The following OR13C8 variants were observed in gnomAD, a reference collection of about 807,000 sequenced individuals.
The protein encoded by OR13C8 is olfactory receptor 13C8.
For synonymous variants in OR13C8, 149 were observed against 143.6 expected, an observed-to-expected ratio of 1.04 and a Z score of -0.27; for missense variants, 382 against 388.1, an observed-to-expected ratio of 0.98 and a Z score of 0.13.
Position 104,569,873 on chromosome 9 carries a change from A to C in OR13C8, c.706A>C (p.Lys236Gln). The C allele has an allele frequency of 6.2e-7, 1 of 1,614,178 alleles. No homozygotes were observed. Among genetic ancestry groups the C allele is most frequent in the Non-Finnish European group, 8.5e-7 (1 of 1,180,024 alleles). ...GATTCCTTCCACTGAAGGAAAACAT[A>C]AGGCCTTCTCCACCTGCTCAGCCCA... Reference protein sequence around the residue: ...LRIPSTEGKHKAFSTCSAHLT... With the variant: ...LRIPSTEGKHQAFSTCSAHLT... Residue 236 changes from lysine to glutamine, a missense_variant, in exon 1 of 1, where the codon AAG becomes CAG. Transcript: ENST00000335040.
In OR13C8 at chr9:104,569,181, A is replaced by G; in HGVS notation, c.14A>G (p.Asn5Ser). Reference protein sequence around the residue: MERTNDSTSTEFFLV... With the variant: MERTSDSTSTEFFLV... ...AGTATATGTAATATGGAAAGGACCA[A>G]CGATTCCACGTCGACAGAATTTTTC... The change falls in exon 1 of 1, where the codon AAC becomes AGC. Residue 5 changes from asparagine to serine, a missense_variant. Coordinates refer to ENST00000335040, the MANE Select transcript of OR13C8 (RefSeq NM_001004483.1). 6.2e-7 allele frequency: 1 copy of G among 1,612,794 alleles called. No homozygotes were observed. The highest frequency in any genetic ancestry group is 8.5e-7 in the Non-Finnish European group (1 of 1,179,310).
At position 104,569,823 on chromosome 9, in the gene OR13C8, T is replaced by C. The variant is rs907337314; in HGVS notation, c.656T>C (p.Ile219Thr). 3.1e-6 allele frequency: 5 copies of C among 1,614,018 alleles called. No homozygotes were observed. In the African/African-American group the frequency reaches 6.7e-5, roughly 22 times the overall value. Residue 219 changes from isoleucine to threonine, a missense_variant, in exon 1 of 1, where the codon ATA (isoleucine) becomes ACA (threonine). By Grantham distance (89) the Ile-to-Thr change is moderately conservative. Transcript: ENST00000335040. ...TTGTTAGTAATTTCCATCTCTTACA[T>C]ATTTATTGTTGCCACTATTCTGAGG... ...IPLLVISISY[I>T]FIVATILRIP...
Position 104,569,382 on chromosome 9 carries a change from G to A in OR13C8, c.215G>A (p.Cys72Tyr), listed in dbSNP as rs760700371. The change falls in exon 1 of 1, where the codon TGC (cysteine) becomes TAC (tyrosine). Residue 72 changes from cysteine (C) to tyrosine (Y), a missense_variant. Transcript: ENST00000335040. ...TGTAATCTTTCCTTCCTCGACGTTT[G>A]CTACACAAGTTCCTCTGTCCCACTA... is the stretch of plus-strand genomic sequence containing the variant. ...FLCNLSFLDV[C>Y]YTSSSVPLIL... 14 of 1,614,090 alleles carry A rather than the reference G, an allele frequency of 8.7e-6. No homozygotes were observed. The highest frequency in any genetic ancestry group is 1.1e-5 in the Non-Finnish European group (13 of 1,180,050).
At position 104,569,703 on chromosome 9, in the gene OR13C8, G is replaced by A. The variant is rs766865504; in HGVS notation, c.536G>A (p.Cys179Tyr). ...CANNVIKHFV[C>Y]EILAILKLAC... ...AATAATGTCATTAAACATTTTGTCT[G>A]TGAAATTCTGGCTATCTTGAAACTG... The change falls in exon 1 of 1, where the codon TGT (cysteine) becomes TAT (tyrosine). Residue 179 changes from cysteine to tyrosine, a missense_variant. Cys to Tyr is a radical substitution (Grantham distance 194). Transcript: ENST00000335040. 8 of 1,614,038 alleles carry A rather than the reference G, an allele frequency of 5.0e-6. No individual in the cohort carries two copies. In the East Asian group the frequency reaches 1.8e-4, roughly 36 times the overall value.
chr9:104,569,195 A>G lies in OR13C8; in HGVS notation c.28A>G (p.Thr10Ala). The G allele has an allele frequency of 3.7e-6, 6 of 1,613,766 alleles. No individual in the cohort carries two copies. Among genetic ancestry groups the G allele is most frequent in the Non-Finnish European group, 5.1e-6 (6 of 1,179,830 alleles). MERTNDSTS[T>A]EFFLVGLSAH... ...GGAAAGGACCAACGATTCCACGTCG[A>G]CAGAATTTTTCCTGGTAGGGCTTTC... The change falls in exon 1 of 1, where the codon ACA (threonine) becomes GCA (alanine). Residue 10 changes from threonine to alanine, a missense_variant. Transcript: ENST00000335040.
In OR13C8 at chr9:104,569,459, A is replaced by G; in HGVS notation, c.292A>G (p.Met98Val). Residue 98 changes from methionine to valine, a missense_variant, in exon 1 of 1, where the codon ATG becomes GTG. Physicochemically the swap from Met to Val is conservative, Grantham distance 21 (BLOSUM62 1). Coordinates refer to ENST00000335040, the MANE Select transcript of OR13C8 (RefSeq NM_001004483.1). ...VKKKVSFSGC[M>V]VQMFISFAMG... is the part of the protein sequence containing the mutation. The stretch of plus-strand genomic sequence containing the variant: ...GAAAAAGGTTTCCTTCTCTGGGTGT[A>G]TGGTGCAAATGTTTATTTCTTTTGC... 1 of 1,614,162 alleles carries G rather than the reference A, an allele frequency of 6.2e-7. No homozygotes were observed. Among genetic ancestry groups the G allele is most frequent in the East Asian group, 2.2e-5 (1 of 44,874 alleles).
In OR13C8 at chr9:104,569,553, C is replaced by T; in HGVS notation, c.386C>T (p.Pro129Leu). ...ALDRYVAICY[P>L]LRYPVIMSKG... Reference sequence around the variant, plus strand: ...GACCGCTATGTGGCCATCTGCTACCCACTGAGATACCCTGTCATCATGAGC... The same window carrying T: ...GACCGCTATGTGGCCATCTGCTACCTACTGAGATACCCTGTCATCATGAGC... Residue 129 changes from proline (P) to leucine (L), a missense_variant, in exon 1 of 1, where the codon CCA (proline) becomes CTA (leucine). Pro to Leu is a moderately conservative substitution (Grantham distance 98). Coordinates refer to ENST00000335040, the MANE Select transcript of OR13C8 (RefSeq NM_001004483.1). 1.2e-6 allele frequency: 2 copies of T among 1,614,184 alleles called. No individual in the cohort carries two copies. Among genetic ancestry groups the T allele is most frequent in the Non-Finnish European group, 1.7e-6 (2 of 1,180,040 alleles).
Position 104,569,193 on chromosome 9 carries a change from C to G in OR13C8, c.26C>G (p.Ser9Trp), listed in dbSNP as rs74498060. 6.2e-7 allele frequency: 1 copy of G among 1,613,358 alleles called. No homozygotes were observed. Among genetic ancestry groups the G allele is most frequent in the East Asian group, 2.2e-5 (1 of 44,872 alleles). Residue 9 changes from serine (S) to tryptophan (W), a missense_variant, in exon 1 of 1, where the codon TCG becomes TGG. Physicochemically the swap from Ser to Trp is radical, Grantham distance 177. Transcript: ENST00000335040. Reference protein sequence around the residue: MERTNDSTSTEFFLVGLSA... With the variant: MERTNDSTWTEFFLVGLSA... ...ATGGAAAGGACCAACGATTCCACGT[C>G]GACAGAATTTTTCCTGGTAGGGCTT...
At position 104,569,457 on chromosome 9, in the gene OR13C8, G is replaced by A. The variant is rs183100737; in HGVS notation, c.290G>A (p.Cys97Tyr). The A allele has an allele frequency of 4.6e-5, 74 of 1,614,210 alleles. No individual in the cohort carries two copies. In the South Asian group the frequency reaches 6.4e-4, roughly 14 times the overall value. The change falls in exon 1 of 1, where the codon TGT (cysteine) becomes TAT (tyrosine). Residue 97 changes from cysteine (C) to tyrosine (Y), a missense_variant. Transcript: ENST00000335040. ...AAGAAAAAGGTTTCCTTCTCTGGGT[G>A]TATGGTGCAAATGTTTATTTCTTTT... ...AVKKKVSFSG[C>Y]MVQMFISFAM... is the part of the protein sequence containing the mutation.
At position 104,569,752 on chromosome 9, in the gene OR13C8, T is replaced by C. The variant is rs749224174; in HGVS notation, c.585T>C (p.Asn195=). The change falls in exon 1 of 1, where the codon AAT becomes AAC. Residue 195 remains asparagine (N), a synonymous_variant. Coordinates refer to ENST00000335040, the MANE Select transcript of OR13C8 (RefSeq NM_001004483.1). The part of the protein sequence containing the change: ...LKLACADISI[N]VISMTGSNLI... Reference sequence around the variant, plus strand: ...TGGCCTGTGCTGATATTTCAATCAATGTGATTAGTATGACAGGGTCGAATC... The same window carrying C: ...TGGCCTGTGCTGATATTTCAATCAACGTGATTAGTATGACAGGGTCGAATC... 9 of 1,614,220 alleles carry C rather than the reference T, an allele frequency of 5.6e-6. No homozygotes were observed. The highest frequency in any genetic ancestry group is 6.8e-6 in the Non-Finnish European group (8 of 1,180,038).
In OR13C8 at chr9:104,569,201, T is replaced by G; in HGVS notation, c.34T>G (p.Phe12Val). Residue 12 changes from phenylalanine to valine, a missense_variant, in exon 1 of 1, where the codon TTT becomes GTT. By Grantham distance (50) the Phe-to-Val change is conservative. Transcript: ENST00000335040. ...ERTNDSTSTE[F>V]FLVGLSAHPK... ...GACCAACGATTCCACGTCGACAGAA[T>G]TTTTCCTGGTAGGGCTTTCTGCCCA... 6.2e-7 allele frequency: 1 copy of G among 1,613,718 alleles called. No homozygotes were observed. The highest frequency in any genetic ancestry group is 8.5e-7 in the Non-Finnish European group (1 of 1,179,792).
At position 104,569,233 on chromosome 9, in the gene OR13C8, G is replaced by C. The variant is rs555075613; in HGVS notation, c.66G>C (p.Lys22Asn). The stretch of plus-strand genomic sequence containing the variant: ...TGGTAGGGCTTTCTGCCCACCCAAA[G>C]CTCCAGACAGTTTTCTTCGTTCTAA... The part of the protein sequence containing the change: ...FFLVGLSAHP[K>N]LQTVFFVLIL... Residue 22 changes from lysine to asparagine, a missense_variant, in exon 1 of 1, where the codon AAG becomes AAC. Lys to Asn is a moderately conservative substitution (Grantham distance 94). Coordinates refer to ENST00000335040, the MANE Select transcript of OR13C8 (RefSeq NM_001004483.1). The C allele has an allele frequency of 1.9e-6, 3 of 1,614,104 alleles. No individual in the cohort carries two copies. The highest frequency in any genetic ancestry group is 4.5e-5 in the East Asian group (2 of 44,872).
In OR13C8 at chr9:104,569,532, G is replaced by A. The variant is rs1323175968; in HGVS notation, c.365G>A (p.Arg122His). The change falls in exon 1 of 1, where the codon CGC (arginine) becomes CAC (histidine). Residue 122 changes from arginine (R) to histidine (H), a missense_variant. Transcript: ENST00000335040. Reference protein sequence around the residue: ...CMILGTMALDRYVAICYPLRY... With the variant: ...CMILGTMALDHYVAICYPLRY... ...ATCTTAGGCACGATGGCACTGGACC[G>A]CTATGTGGCCATCTGCTACCCACTG... 6.2e-6 allele frequency: 10 copies of A among 1,614,042 alleles called. No homozygotes were observed. The East Asian group carries it at 6.7e-5, about 11-fold the overall frequency.
Position 104,569,838 on chromosome 9 carries a change from C to A in OR13C8, c.671C>A (p.Thr224Asn). 1 of 1,614,128 alleles carries A rather than the reference C, an allele frequency of 6.2e-7. No individual in the cohort carries two copies. The highest frequency in any genetic ancestry group is 8.5e-7 in the Non-Finnish European group (1 of 1,180,010). ...ISISYIFIVA[T>N]ILRIPSTEGK... ...ATCTCTTACATATTTATTGTTGCCA[C>A]TATTCTGAGGATTCCTTCCACTGAA... The change falls in exon 1 of 1, where the codon ACT becomes AAT. Residue 224 changes from threonine to asparagine, a missense_variant. Coordinates refer to ENST00000335040, the MANE Select transcript of OR13C8 (RefSeq NM_001004483.1).
At position 104,569,331 on chromosome 9, in the gene OR13C8, T is replaced by A. The variant is rs1193906606; in HGVS notation, c.164T>A (p.Leu55Gln). ...LISVIIFDSH[L>Q]HTPMYFFLCN... ...TCAGTTATCATCTTTGATTCTCACC[T>A]GCACACCCCCATGTATTTCTTCCTC... Residue 55 changes from leucine (L) to glutamine (Q), a missense_variant, in exon 1 of 1, where the codon CTG becomes CAG. By Grantham distance (113) the Leu-to-Gln change is moderately radical (BLOSUM62 -2). Coordinates refer to ENST00000335040, the MANE Select transcript of OR13C8 (RefSeq NM_001004483.1). 1 of 1,614,184 alleles carries A rather than the reference T, an allele frequency of 6.2e-7. No individual in the cohort carries two copies.
rs1457786424 is a variant in OR13C8, at chr9:104,569,927, A to C, written c.760A>C (p.Thr254Pro). The C allele has an allele frequency of 2.5e-6, 4 of 1,614,134 alleles. No individual in the cohort carries two copies. Among genetic ancestry groups the C allele is most frequent in the Non-Finnish European group, 2.5e-6 (3 of 1,180,016 alleles). The change falls in exon 1 of 1, where the codon ACC (threonine) becomes CCC (proline). Residue 254 changes from threonine to proline, a missense_variant. Coordinates refer to ENST00000335040, the MANE Select transcript of OR13C8 (RefSeq NM_001004483.1). Reference sequence around the variant, plus strand: ...GACAGTGGTGATTATATTCTATGGAACCATCTTCTTCATGTACGCAAAGCC... The same window carrying C: ...GACAGTGGTGATTATATTCTATGGACCCATCTTCTTCATGTACGCAAAGCC... ...HLTVVIIFYG[T>P]IFFMYAKPES...
In OR13C8 at chr9:104,569,921, T is replaced by A. The variant is rs1469554723; in HGVS notation, c.754T>A (p.Tyr252Asn). ...SAHLTVVIIF[Y>N]GTIFFMYAKP... is the part of the protein sequence containing the mutation. ...CCACCTGACAGTGGTGATTATATTC[T>A]ATGGAACCATCTTCTTCATGTACGC... The change falls in exon 1 of 1, where the codon TAT becomes AAT. Residue 252 changes from tyrosine (Y) to asparagine (N), a missense_variant. Transcript: ENST00000335040. 1 of 1,614,218 alleles carries A rather than the reference T, an allele frequency of 6.2e-7. No homozygotes were observed. Among genetic ancestry groups the A allele is most frequent in the Admixed American group, 1.7e-5 (1 of 60,032 alleles).
rs140498651 is a variant in OR13C8 at position 104,569,824 on chromosome 9, A to G, written c.657A>G (p.Ile219Met). The G allele has an allele frequency of 3.1e-6, 5 of 1,613,938 alleles. No individual in the cohort carries two copies. In the African/African-American group the frequency reaches 6.7e-5, roughly 22 times the overall value. The change falls in exon 1 of 1, where the codon ATA (isoleucine) becomes ATG (methionine). Residue 219 changes from isoleucine to methionine, a missense_variant. By Grantham distance (10) the Ile-to-Met change is conservative. Transcript: ENST00000335040. Reference protein sequence around the residue: ...IPLLVISISYIFIVATILRIP... With the variant: ...IPLLVISISYMFIVATILRIP... Reference sequence around the variant, plus strand: ...TGTTAGTAATTTCCATCTCTTACATATTTATTGTTGCCACTATTCTGAGGA... The same window carrying G: ...TGTTAGTAATTTCCATCTCTTACATGTTTATTGTTGCCACTATTCTGAGGA...
rs1310417621 is a variant in OR13C8, at chr9:104,570,019, T to C, written c.852T>C (p.Tyr284=). The C allele has an allele frequency of 3.1e-6, 5 of 1,614,198 alleles. No homozygotes were observed. Among genetic ancestry groups the C allele is most frequent in the Middle Eastern group, 1.6e-4 (1 of 6,062 alleles). Residue 284 remains tyrosine, a synonymous_variant, in exon 1 of 1, where the codon TAT becomes TAC. Transcript: ENST00000335040. Reference sequence around the variant, plus strand: ...TTGAGGCCCTCATCTCCCTTTTCTATGGAGTGATGACTCCCATGCTTAATC... The same window carrying C: ...TTGAGGCCCTCATCTCCCTTTTCTACGGAGTGATGACTCCCATGCTTAATC... ...DIIEALISLF[Y]GVMTPMLNPL...
Sources: gnomAD v4.1 joint callset for allele counts on GRCh38, gnomAD v4.1.1 for gene constraint, MANE v1.5 for transcripts, NCBI Gene and HGNC (gene_info 2026-07-23, HGNC 2026-07-21) for gene names.